The following RGS7 variants were observed in gnomAD, a reference collection of about 807,000 sequenced individuals.
The protein encoded by RGS7 is regulator of G-protein signaling 7.
Under a neutral mutation model 81.1 loss-of-function variants are expected in RGS7, and 27 were observed. That is an observed-to-expected ratio of 0.33 (90% CI 0.25 to 0.46). The LOEUF (loss-of-function observed/expected upper bound fraction) is 0.46, where lower values mean the gene tolerates loss of function less well. RGS7 is among the 20% of genes least tolerant of loss of function. RGS7 has a pLI of 1.00. For missense variants in RGS7, 396 were observed against 607.4 expected (o/e 0.65, Z 3.66); for synonymous variants, 208 against 207.7 (o/e 1.00, Z -0.01).
intron 2 of RGS7, among the ~76,000 whole-genome samples, chr1:241,351,556 T>G (rs1184924833): frequency 6.6e-6 from 1 of 152,226 alleles, no homozygotes; most frequent in African/African-American, 2.4e-5. Context: ...CTGGCATCTA[T>G]TCTCTTCTCC....
intron 2 of RGS7, among the ~76,000 whole-genome samples, chr1:241,162,073 C>A (rs2069739493): frequency 6.6e-6 from 1 of 152,014 alleles, no homozygotes; most frequent in Non-Finnish European, 1.5e-5. Flanking sequence ...CAGGAGAGGA[C>A]CCCCAACCCC....
At chr1:240,909,174 T>C (rs1286207752) in intron 6 of RGS7, among the ~76,000 whole-genome samples, 2 of 152,222 alleles carry the variant, frequency 1.3e-5, no homozygotes, top group Non-Finnish European at 2.9e-5. Flanking sequence ...CTGATGTTTA[T>C]GAATTTAAGT....
At chr1:241,095,707 T>C (rs2492987) in intron 3 of RGS7, among the ~76,000 whole-genome samples, 71,710 of 152,100 alleles carry the variant, frequency 0.47, 19,837 homozygotes, top group African/African-American at 0.78. Flanking sequence ...AAGTGAGAAA[T>C]GATAAACATT....
chr1:241,201,839 A>C (rs751906016), intron 2 of RGS7, among the ~76,000 whole-genome samples: 2 of 152,204 alleles, frequency 1.3e-5, no homozygotes, highest in Non-Finnish European at 2.9e-5. Context: ...AGCCAGGATC[A>C]GAATCCAAGA....
chr1:241,339,633 ATTG>A (rs1200552699), intron 2 of RGS7, among the ~76,000 whole-genome samples: 3 of 152,198 alleles, frequency 2.0e-5, no homozygotes, highest in African/African-American at 7.2e-5. Flanking sequence ...ATCAGGGACC[ATTG>A]TTGTTCTACC....
chr1:241,277,848 T>A (rs1375081676), intron 2 of RGS7, among the ~76,000 whole-genome samples: 2 of 152,202 alleles, frequency 1.3e-5, no homozygotes, highest in Non-Finnish European at 2.9e-5. Flanking sequence ...TGAAAGAGAC[T>A]TAGTCATTTA....
At chr1:240,854,709 C>A (rs542962100) in intron 9 of RGS7, among the ~76,000 whole-genome samples, 1 of 152,330 alleles carries the variant, frequency 6.6e-6, no homozygotes, top group East Asian at 1.9e-4. Flanking sequence ...CCAATGACAG[C>A]TGCTTAAATA....
intron 2 of RGS7, among the ~76,000 whole-genome samples, chr1:241,241,880 G>T (rs1299636253): frequency 5.9e-5 from 9 of 151,340 alleles, no homozygotes; most frequent in African/African-American, 2.2e-4. Flanking sequence ...TTCGCTTTTT[G>T]AAATTTCTTT....
chr1:241,125,455 C>T (rs367642827), intron 2 of RGS7, among the ~76,000 whole-genome samples: 8 of 150,144 alleles, frequency 5.3e-5, no homozygotes, highest in East Asian at 1.9e-4. Context: ...CACACACACA[C>T]GCTGAATTCA....
intron 2 of RGS7, among the ~76,000 whole-genome samples, chr1:241,281,582 G>T (rs2078516133): frequency 6.6e-6 from 1 of 152,202 alleles, no homozygotes; most frequent in Non-Finnish European, 1.5e-5. Flanking sequence ...TGCTTGATAT[G>T]TACCATAGAT....
chr1:241,199,437 T>C (rs2073332764), intron 2 of RGS7, among the ~76,000 whole-genome samples: 2 of 152,050 alleles, frequency 1.3e-5, no homozygotes, highest in African/African-American at 4.8e-5. Flanking sequence ...AAAAGGACTT[T>C]ATTTATTTAG....
intron 16 of RGS7, 24 bp from the exon 17 acceptor site, chr1:240,801,532 G>A: frequency 6.5e-7 from 1 of 1,528,618 alleles, no homozygotes; most frequent in East Asian, 2.2e-5. Context: ...GGTAGGATAG[G>A]ATGAAGGGAA....
chr1:241,017,618 A>T (rs1047465881), intron 3 of RGS7, among the ~76,000 whole-genome samples: 7 of 152,078 alleles, frequency 4.6e-5, no homozygotes, highest in Non-Finnish European at 8.8e-5. Flanking sequence ...TGAATACTTC[A>T]AAGATTTTTC....
At chr1:240,967,566 A>AGG (rs1662747579) in intron 4 of RGS7, among the ~76,000 whole-genome samples, 5 of 82,788 alleles carry the variant, frequency 6.0e-5, no homozygotes, top group Admixed American at 3.6e-4. Flanking sequence ...TGTGCCAAGA[A>AGG]GTGGGGGGGG....
rs2064712918 is a variant in RGS7, at chr1:241,101,231, C to T, written c.79-2469G>A. 2.6e-5 allele frequency among the ~76,000 whole-genome samples: 4 copies of T among 152,338 alleles called. No homozygotes were observed. In the South Asian group the frequency reaches 8.3e-4, roughly 32 times the overall value. On this transcript the variant is annotated intron_variant, in intron 2 of 18. Transcript: ENST00000440928. ...GAACATGATGCTGGGCACGGTGGCT[C>T]ACGCCTGTAATCCCAGCACTTTGGG...
intron 10 of RGS7, among the ~76,000 whole-genome samples, chr1:240,825,851 G>A (rs1192022125): frequency 6.6e-6 from 1 of 152,142 alleles, no homozygotes; most frequent in Non-Finnish European, 1.5e-5. Context: ...TTGTGTCTAG[G>A]TGCTATCTTG....
At chr1:240,881,847 T>C (rs972525843) in intron 6 of RGS7, among the ~76,000 whole-genome samples, 1 of 152,148 alleles carries the variant, frequency 6.6e-6, no homozygotes, top group Non-Finnish European at 1.5e-5. Flanking sequence ...TGGGATCATA[T>C]ACCTTGATAA....
intron 3 of RGS7, among the ~76,000 whole-genome samples, chr1:241,024,778 G>A (rs1168305585): frequency 6.6e-6 from 1 of 152,166 alleles, no homozygotes; most frequent in Non-Finnish European, 1.5e-5. Flanking sequence ...AAATGCTTAT[G>A]TATTAATATT....
At chr1:240,891,056 AACTTTGCAAG>A (rs1244561230) in intron 6 of RGS7, among the ~76,000 whole-genome samples, 1 of 152,222 alleles carries the variant, frequency 6.6e-6, no homozygotes, top group African/African-American at 2.4e-5. Context: ...AGTGAGACAA[AACTTTGCAAG>A]ACTCTTAAGA....
Sources: gnomAD v4.1 joint callset for allele counts (sites outside exome capture counted in the v4.1 genomes callset) on GRCh38, gnomAD v4.1.1 for gene constraint, MANE v1.5 for transcripts, NCBI Gene and HGNC (gene_info 2026-07-23, HGNC 2026-07-21) for gene names.